The following KLHL29 variants were observed in gnomAD, a reference collection of about 807,000 sequenced individuals.
KLHL29 encodes kelch like family member 29.
KLHL29 carries 21 observed loss-of-function variants against 80.4 expected under a neutral mutation model. The ratio of observed to expected loss-of-function variants is 0.26; its 90% CI spans 0.19 to 0.38. The LOEUF (loss-of-function observed/expected upper bound fraction) is 0.38, where lower values mean the gene tolerates loss of function less well. Among genes scored for constraint, KLHL29 ranks in the 10% least tolerant of loss-of-function variants. KLHL29 has a pLI of 1.00. For synonymous variants in KLHL29, 511 were observed against 526.8 expected (o/e 0.97, Z 0.41); for missense variants, 867 against 1,223.9 (o/e 0.71, Z 4.35).
Position 23,399,854 on chromosome 2 carries a change from C to T in KLHL29, c.-154+14074C>T, listed in dbSNP as rs539590463. ...ACTCTTGTGTGCCCTGCTGGTCTTGCTCAGCCTGCCGTCTGCTGTTGACCT... is the reference window on the plus strand; with the variant it reads ...ACTCTTGTGTGCCCTGCTGGTCTTGTTCAGCCTGCCGTCTGCTGTTGACCT... On this transcript the variant is annotated intron_variant, in intron 1 of 13. Coordinates refer to ENST00000486442, the MANE Select transcript of KLHL29 (RefSeq NM_052920.2). 5.9e-5 allele frequency among the ~76,000 whole-genome samples: 9 copies of T among 152,334 alleles called. No individual in the cohort carries two copies. In the South Asian group the frequency reaches 1.9e-3, roughly 32 times the overall value.
At chr2:23,645,231 T>C (rs1669887790) in intron 5 of KLHL29, among the ~76,000 whole-genome samples, 2 of 152,206 alleles carry the variant, frequency 1.3e-5, no homozygotes, top group Admixed American at 1.3e-4. Context: ...TTTTTTAAAA[T>C]AAGAAACCCG....
At position 23,684,327 on chromosome 2, in the gene KLHL29, A is replaced by C. The variant is rs1289768692; in HGVS notation, c.941-72A>C. On this transcript the variant is annotated intron_variant, in intron 5 of 13. Transcript: ENST00000486442. The surrounding 1 kb of genome is among the most constrained non-coding windows in gnomAD (Gnocchi z 4.4). ...TCTCTACTTCTTGAAAAAAGAAAAA[A>C]AACTTTTTTTAATTAAAAAAAAAAA... The C allele has an allele frequency of 8.4e-7, 1 of 1,192,624 alleles. No homozygotes were observed. Among genetic ancestry groups the C allele is most frequent in the Non-Finnish European group, 1.1e-6 (1 of 911,332 alleles). The allele number at this position is 1,192,624 out of a possible 1,614,324, so 73.9% of individuals were successfully genotyped here.
At chr2:23,572,984 G>A (rs535416312) in intron 3 of KLHL29, among the ~76,000 whole-genome samples, 14 of 152,316 alleles carry the variant, frequency 9.2e-5, no homozygotes, top group Admixed American at 3.3e-4. Context: ...CACCGCGCCC[G>A]GCCCAAAAAC....
intron 5 of KLHL29, among the ~76,000 whole-genome samples, chr2:23,666,353 C>T (rs922586856): frequency 6.6e-6 from 1 of 152,214 alleles, no homozygotes; most frequent in African/African-American, 2.4e-5. Context: ...ACATCCCAAC[C>T]CCCTTGCCAA....
At chr2:23,510,765 G>A (rs1028242982) in intron 2 of KLHL29, among the ~76,000 whole-genome samples, 3 of 152,192 alleles carry the variant, frequency 2.0e-5, no homozygotes, top group Non-Finnish European at 4.4e-5. Flanking sequence ...TGGATCCCAA[G>A]GCTGGGCAGG....
rs1168499893 is a variant in KLHL29 at position 23,457,213 on chromosome 2, T to C, written c.-153-18347T>C. ...CGCAGGGTGCAGAGTAACCCTCACA[T>C]GCACAGTGACTGGTGTAGGATGATG... On this transcript the variant is annotated intron_variant, in intron 1 of 13. Coordinates refer to ENST00000486442, the MANE Select transcript of KLHL29 (RefSeq NM_052920.2). This position sits in a 1 kb window ranked among gnomAD's most constrained non-coding sequence, Gnocchi z 4.3. 8.5e-5 allele frequency among the ~76,000 whole-genome samples: 13 copies of C among 152,164 alleles called. No homozygotes were observed. Among genetic ancestry groups the C allele is most frequent in the Non-Finnish European group, 2.9e-5 (2 of 68,022 alleles).
chr2:23,501,607 C>T (rs1433393041), intron 2 of KLHL29, among the ~76,000 whole-genome samples: 3 of 152,056 alleles, frequency 2.0e-5, no homozygotes, highest in Non-Finnish European at 4.4e-5. Context: ...GCTGTTTTTT[C>T]GTTTTCCTTC....
chr2:23,633,806 G>A (rs1030193791), intron 3 of KLHL29, among the ~76,000 whole-genome samples: 1 of 143,504 alleles, frequency 7.0e-6, no homozygotes, highest in South Asian at 2.1e-4. Flanking sequence ...ATTTGACTAA[G>A]TGGAAGCTCC....
chr2:23,452,541 C>A (rs2103422447), intron 1 of KLHL29, among the ~76,000 whole-genome samples: 1 of 152,242 alleles, frequency 6.6e-6, no homozygotes, highest in Admixed American at 6.5e-5. Context: ...TGAAATAGTT[C>A]TGGGAACGTC....
intron 1 of KLHL29, among the ~76,000 whole-genome samples, chr2:23,453,098 T>TATG (rs1400183717): frequency 6.7e-6 from 1 of 149,988 alleles, no homozygotes; most frequent in East Asian, 2.0e-4. Context: ...TATAGGAGTG[T>TATG]ATGTTTCATT....
chr2:23,496,753 T>A (rs529074158), intron 2 of KLHL29, among the ~76,000 whole-genome samples: 38 of 152,346 alleles, frequency 2.5e-4, no homozygotes, highest in Middle Eastern at 3.4e-3. Flanking sequence ...TCTGTGGCAA[T>A]GCTTGGGGGA....
At chr2:23,438,154 T>G (rs1663399859) in intron 1 of KLHL29, among the ~76,000 whole-genome samples, 1 of 150,470 alleles carries the variant, frequency 6.6e-6, no homozygotes, top group African/African-American at 2.5e-5. Flanking sequence ...TTTTGTACAT[T>G]GATTTTGTAT....
chr2:23,687,200 G>A (rs886503650), intron 6 of KLHL29, among the ~76,000 whole-genome samples: 6 of 152,210 alleles, frequency 3.9e-5, no homozygotes, highest in African/African-American at 1.4e-4. Flanking sequence ...CCTTCTCTGG[G>A]ACCTCTGTCC....
chr2:23,414,336 G>T (rs770862796), intron 1 of KLHL29, among the ~76,000 whole-genome samples: 1 of 152,066 alleles, frequency 6.6e-6, no homozygotes, highest in Non-Finnish European at 1.5e-5. Context: ...TGGGGGCCGC[G>T]CAGACGGATG....
intron 2 of KLHL29, among the ~76,000 whole-genome samples, chr2:23,554,049 T>C (rs1007255184): frequency 1.7e-4 from 26 of 152,116 alleles, no homozygotes; most frequent in African/African-American, 6.0e-4. Flanking sequence ...TCTGAGCTAA[T>C]GGGGGCTCCA....
chr2:23,439,759 G>T (rs535737786), intron 1 of KLHL29, among the ~76,000 whole-genome samples: 1 of 151,064 alleles, frequency 6.6e-6, no homozygotes, highest in Admixed American at 6.6e-5. Flanking sequence ...AATAGGTGTG[G>T]TGTGGTGCTG....
intron 2 of KLHL29, among the ~76,000 whole-genome samples, chr2:23,491,796 A>G (rs1257464691): frequency 6.6e-6 from 1 of 151,892 alleles, no homozygotes; most frequent in Non-Finnish European, 1.5e-5. Flanking sequence ...GCTGAACTCC[A>G]TGTTCCCTCA....
chr2:23,438,431 G>C (rs1663408616), intron 1 of KLHL29, among the ~76,000 whole-genome samples: 1 of 124,958 alleles, frequency 8.0e-6, no homozygotes, highest in Non-Finnish European at 1.7e-5. Context: ...CATTCGGTAT[G>C]ATATCGGCTG....
intron 3 of KLHL29, among the ~76,000 whole-genome samples, chr2:23,618,372 T>G (rs1305817037): frequency 3.9e-5 from 6 of 152,100 alleles, no homozygotes; most frequent in Non-Finnish European, 8.8e-5. Context: ...TGGATGAGAT[T>G]AAGATTCAAA....
Sources: allele counts gnomAD v4.1 joint callset (sites outside exome capture counted in the v4.1 genomes callset), GRCh38; gene constraint gnomAD v4.1.1; non-coding constraint Gnocchi (gnomAD v3.1); transcripts MANE v1.5; gene names NCBI Gene and HGNC (gene_info 2026-07-23, HGNC 2026-07-21).